Variants in AADAT observed in about 807,000 individuals in gnomAD.
The protein encoded by AADAT is aminoadipate aminotransferase.
Under a neutral mutation model 56.2 loss-of-function variants are expected in AADAT, and 25 were observed. The ratio of observed to expected loss-of-function variants is 0.44; its 90% CI spans 0.32 to 0.62. AADAT has a LOEUF of 0.62. AADAT is among the 20% of genes least tolerant of loss of function. AADAT has a pLI of 0.04. For missense variants in AADAT, 387 were observed against 510.5 expected (o/e 0.76, Z 2.33); for synonymous variants, 173 against 164.7 (o/e 1.05, Z -0.39).
At chr4:170,067,017 A>G (rs572324042) in intron 9 of AADAT, among the ~76,000 whole-genome samples, 1 of 152,322 alleles carries the variant, frequency 6.6e-6, no homozygotes, top group East Asian at 1.9e-4. Context: ...ATTATTAAAT[A>G]AAATATTTAT....
intron 1 of AADAT, 121 bp downstream of exon 1, chr4:170,089,503 C>A: frequency 1.8e-6 from 2 of 1,081,464 alleles, no homozygotes; most frequent in Non-Finnish European, 2.8e-6. Context: ...CCTGGCTCAC[C>A]GCGAGCGTGC....
chr4:170,091,026 G>A (rs1732802221), upstream of AADAT, among the ~76,000 whole-genome samples: 2 of 152,232 alleles, frequency 1.3e-5, no homozygotes, highest in Non-Finnish European at 2.9e-5. Flanking sequence ...TGTGCTAGCA[G>A]CTAAATAACA....
chr4:170,084,802 C>T (rs1216112609), intron 3 of AADAT, among the ~76,000 whole-genome samples: 1 of 152,182 alleles, frequency 6.6e-6, no homozygotes, highest in Admixed American at 6.5e-5. Context: ...TTAAGCTTTA[C>T]AAGACATCCT....
chr4:170,066,319 CTTT>C lies in AADAT; in HGVS notation c.1027+92_1027+94del, dbSNP rs1391142521. 3 of 1,108,292 alleles carry C rather than the reference CTTT, an allele frequency of 2.7e-6. No homozygotes were observed. The African/African-American group carries it at 4.6e-5, about 17-fold the overall frequency. The allele number at this position is 1,108,292 out of a possible 1,614,324, so 68.7% of individuals were successfully genotyped here. ...TGGCAAGAATACTCCTGGACTGTTT[CTTT>C]TCCACCAGGATTGTTAGTAATATTC... On this transcript the variant is annotated intron_variant, in intron 10 of 12. Transcript: ENST00000337664.
At chr4:170,065,007 T>C (rs1731379431) in intron 10 of AADAT, among the ~76,000 whole-genome samples, 182 bp from the exon 11 acceptor site, 1 of 152,138 alleles carries the variant, frequency 6.6e-6, no homozygotes, top group Admixed American at 6.5e-5. Context: ...TTCTGGGTTT[T>C]ATTTCAAAGA....
At chr4:170,070,057 G>C (rs1170979726) in intron 6 of AADAT, among the ~76,000 whole-genome samples, 1 of 152,034 alleles carries the variant, frequency 6.6e-6, no homozygotes, top group Admixed American at 6.6e-5. Context: ...AAATGACAGG[G>C]TGGCAAATGT....
chr4:170,088,648 A>G lies in AADAT; in HGVS notation c.68-84T>C. On this transcript the variant is annotated intron_variant, in intron 1 of 12. Coordinates refer to ENST00000337664, the MANE Select transcript of AADAT (RefSeq NM_016228.4). ...TTAAGCATGCATTATAGTCAATAAA[A>G]CTATAAAGTTTAACGATTTCTAGTG... The G allele has an allele frequency of 2.1e-6, 3 of 1,397,346 alleles. 1 individual carries two copies. In the Admixed American group the frequency reaches 5.6e-5, roughly 26 times the overall value. The allele number at this position is 1,397,346 out of a possible 1,614,324, so 86.6% of individuals were successfully genotyped here. A position where few individuals can be genotyped will look rare whatever the true frequency, so the allele number is the denominator to read the frequency against.
chr4:170,086,444 A>G (rs1225697223), intron 3 of AADAT, among the ~76,000 whole-genome samples: 3 of 152,064 alleles, frequency 2.0e-5, no homozygotes, highest in Non-Finnish European at 2.9e-5. Context: ...ATACAGACAT[A>G]TAAATAGATC....
intron 2 of AADAT, among the ~76,000 whole-genome samples, chr4:170,087,574 G>C (rs1732624965): frequency 6.6e-6 from 1 of 152,094 alleles, no homozygotes; most frequent in South Asian, 2.1e-4. Context: ...GTTCTCTCTA[G>C]GAAGAGTTCT....
intron 5 of AADAT, among the ~76,000 whole-genome samples, chr4:170,071,692 G>A (rs904095233): frequency 6.6e-6 from 1 of 152,160 alleles, no homozygotes; most frequent in Non-Finnish European, 1.5e-5. Context: ...AGAGGGCAGG[G>A]CGAAATGCAG....
At chr4:170,073,799 G>A (rs540717242) in intron 4 of AADAT, among the ~76,000 whole-genome samples, 14 of 152,058 alleles carry the variant, frequency 9.2e-5, no homozygotes, top group African/African-American at 3.1e-4. Context: ...ACGCCCCTGG[G>A]GCAGATACCA....
intron 4 of AADAT, among the ~76,000 whole-genome samples, chr4:170,075,721 C>T (rs973808835): frequency 6.6e-6 from 1 of 152,218 alleles, no homozygotes; most frequent in African/African-American, 2.4e-5. Context: ...AATAGAGACT[C>T]TGTACCTATT....
intron 5 of AADAT, among the ~76,000 whole-genome samples, chr4:170,071,587 AG>A (rs1306647173): frequency 6.6e-6 from 1 of 152,198 alleles, no homozygotes; most frequent in Non-Finnish European, 1.5e-5. Flanking sequence ...AAACCACCGG[AG>A]GGCTGTAAAC....
At chr4:170,070,700 TAAAAGTTATCTAA>T in intron 5 of AADAT, 48 bp from the exon 6 acceptor site, 1 of 1,278,436 alleles carries the variant, frequency 7.8e-7, no homozygotes, top group South Asian at 1.3e-5. Context: ...ATTTATTTCT[TAAAAGTTATCTAA>T]AATTAAATTC....
At chr4:170,073,601 T>C (rs1354583471) in intron 4 of AADAT, among the ~76,000 whole-genome samples, 1 of 151,530 alleles carries the variant, frequency 6.6e-6, no homozygotes, top group Admixed American at 6.6e-5. Flanking sequence ...CTGGTTCAAG[T>C]GATTCTCCTG....
At position 170,069,092 on chromosome 4, in the gene AADAT, G is replaced by C. The variant is rs937704113; in HGVS notation, c.803+56C>G. ...AATTGTCTAGACTAAAAGATACTGA[G>C]GTACTATCTCTGGCTCTATTAGATC... On this transcript the variant is annotated intron_variant, in intron 7 of 12. Transcript: ENST00000337664. 26 of 1,435,392 alleles carry C rather than the reference G, an allele frequency of 1.8e-5. 1 individual carries two copies. In the South Asian group the frequency reaches 3.2e-4, roughly 18 times the overall value. The allele number at this position is 1,435,392 out of a possible 1,614,324, so 88.9% of individuals were successfully genotyped here.
chr4:170,080,711 C>T (rs543263992), intron 3 of AADAT, among the ~76,000 whole-genome samples: 13 of 152,210 alleles, frequency 8.5e-5, no homozygotes, highest in Admixed American at 4.6e-4. Context: ...AGGCTGTTCT[C>T]GAATTATTTA....
chr4:170,060,562 C>G lies in AADAT; in HGVS notation c.*366G>C, dbSNP rs1731144711. 6.0e-6 allele frequency: 1 copy of G among 166,526 alleles called. No individual in the cohort carries two copies. The highest frequency in any genetic ancestry group is 1.3e-5 in the Non-Finnish European group (1 of 77,820). 10.3% of individuals were successfully genotyped at this position (166,526 alleles called of 1,614,324 possible). A position where few individuals can be genotyped will look rare whatever the true frequency, so the allele number is the denominator to read the frequency against. On this transcript the variant is annotated 3_prime_UTR_variant, in exon 13 of 13. Coordinates refer to ENST00000337664, the MANE Select transcript of AADAT (RefSeq NM_016228.4). ...AAAATGCCTAAGTGGATTATAAATA[C>G]AGTTTGGCCATCTGATGAATTTAGA... is the stretch of plus-strand genomic sequence containing the variant.
chr4:170,061,982 G>T lies in AADAT; in HGVS notation c.1146C>A (p.Leu382=). 1 of 1,611,542 alleles carries T rather than the reference G, an allele frequency of 6.2e-7. No homozygotes were observed. Among genetic ancestry groups the T allele is most frequent in the Non-Finnish European group, 8.5e-7 (1 of 1,178,256 alleles). ...EKAVKMGVLM[L]PGNAFYVDSS... is the part of the protein sequence containing the mutation. The stretch of plus-strand genomic sequence containing the variant: ...TATCGACGTAGAAAGCATTTCCAGG[G>T]AGCATTAATACCTAAGAGAGTTTGT... Residue 382 remains leucine, a synonymous_variant, in exon 12 of 13, where the codon CTC becomes CTA. Transcript: ENST00000337664.
Sources: allele counts gnomAD v4.1 joint callset (sites outside exome capture counted in the v4.1 genomes callset), GRCh38; gene constraint gnomAD v4.1.1; transcripts MANE v1.5; gene names NCBI Gene and HGNC (gene_info 2026-07-23, HGNC 2026-07-21).